LYRM4: variants seen among roughly 807,000 people sequenced by gnomAD.
LYRM4 encodes LYR motif-containing protein 4.
LYRM4 carries 9 observed loss-of-function variants against 11.7 expected under a neutral mutation model. The ratio of observed to expected loss-of-function variants is 0.77; its 90% CI spans 0.46 to 1.34. The LOEUF (loss-of-function observed/expected upper bound fraction) is 1.34, where lower values mean the gene tolerates loss of function less well. Among genes scored for constraint, LYRM4 ranks in the 40% most tolerant of loss-of-function variants. The pLI, the probability that LYRM4 is intolerant of heterozygous loss-of-function variation, is 0.00. For synonymous variants in LYRM4, 42 were observed against 40.4 expected (o/e 1.04, Z -0.15); for missense variants, 133 against 112.5 (o/e 1.18, Z -0.82).
intron 1 of LYRM4, among the ~76,000 whole-genome samples, chr6:5,239,095 G>A (rs1484056676): frequency 6.6e-6 from 1 of 152,210 alleles, no homozygotes; most frequent in African/African-American, 2.4e-5. Context: ...AAGAACAGGA[G>A]GTAGATAGAC....
chr6:5,083,225 C>T, the LYRM4 span, among the ~76,000 whole-genome samples: 1 of 152,236 alleles, frequency 6.6e-6, no homozygotes, highest in African/African-American at 2.4e-5. Flanking sequence ...AGGGTCGCCA[C>T]CACCTCAAAA....
rs552672991 is a variant in LYRM4 at position 5,160,657 on chromosome 6, C to G, written c.208-51166G>C. On this transcript the variant is annotated intron_variant, in intron 2 of 2. Transcript: ENST00000330636. ...CCTTCTGCCATGATTATGAGACCCC[C>G]CCCCCAGCAATGTGGAACTGTGAGT... 3.3e-5 allele frequency among the ~76,000 whole-genome samples: 5 copies of G among 152,070 alleles called. No individual in the cohort carries two copies. In the East Asian group the frequency reaches 7.7e-4, roughly 24 times the overall value.
At chr6:5,049,512 C>T in the LYRM4 span, among the ~76,000 whole-genome samples, 5 of 152,178 alleles carry the variant, frequency 3.3e-5, no homozygotes, top group African/African-American at 1.2e-4. Context: ...TAGGACCTGA[C>T]ATTTGGCAGT....
the LYRM4 span, among the ~76,000 whole-genome samples, chr6:5,049,291 G>C: frequency 6.6e-6 from 1 of 152,090 alleles, no homozygotes; most frequent in Non-Finnish European, 1.5e-5. Flanking sequence ...GAGGATGGGC[G>C]GATGGGCTCT....
intron 1 of LYRM4, among the ~76,000 whole-genome samples, chr6:5,243,417 C>G (rs1422925937): frequency 6.6e-6 from 1 of 152,188 alleles, no homozygotes; most frequent in Non-Finnish European, 1.5e-5. Flanking sequence ...TTTCTCCAGG[C>G]TGGCAAGTGA....
the LYRM4 span, among the ~76,000 whole-genome samples, chr6:5,072,645 C>G: frequency 0.024 from 3,624 of 149,460 alleles, 137 homozygotes; most frequent in African/African-American, 0.085. Flanking sequence ...ATGGCACGAT[C>G]TCGGCTCACT....
intron 1 of LYRM4, among the ~76,000 whole-genome samples, chr6:5,245,997 A>C (rs1327764667): frequency 6.6e-6 from 1 of 152,182 alleles, no homozygotes; most frequent in Non-Finnish European, 1.5e-5. Flanking sequence ...AAACAATAAG[A>C]AACAACTATA....
At chr6:5,118,513 A>G (rs771232512) in intron 2 of LYRM4, among the ~76,000 whole-genome samples, 6 of 152,126 alleles carry the variant, frequency 3.9e-5, no homozygotes, top group Non-Finnish European at 5.9e-5. Context: ...GGTAAGCATG[A>G]CATCTGTGGC....
At chr6:5,226,041 A>G (rs977446299) in intron 1 of LYRM4, among the ~76,000 whole-genome samples, 1 of 152,170 alleles carries the variant, frequency 6.6e-6, no homozygotes, top group African/African-American at 2.4e-5. Context: ...GGAGGTCTTT[A>G]AGAAGCTAGC....
chr6:5,174,601 G>C (rs1045331265), intron 2 of LYRM4, among the ~76,000 whole-genome samples: 1 of 152,156 alleles, frequency 6.6e-6, no homozygotes, highest in Non-Finnish European at 1.5e-5. Context: ...AAGGAGGGCA[G>C]GCAGAAAAAT....
At chr6:5,213,235 C>T (rs1762077407) in intron 2 of LYRM4, among the ~76,000 whole-genome samples, 1 of 152,202 alleles carries the variant, frequency 6.6e-6, no homozygotes, top group Non-Finnish European at 1.5e-5. Context: ...TCCACCTTTC[C>T]TGCATCTCGG....
At chr6:5,233,293 G>A (rs1243004451) in intron 1 of LYRM4, among the ~76,000 whole-genome samples, 1 of 152,208 alleles carries the variant, frequency 6.6e-6, no homozygotes, top group East Asian at 1.9e-4. Context: ...TTTGACATGC[G>A]AACCAGCATT....
chr6:5,170,994 G>A (rs181051043), intron 2 of LYRM4, among the ~76,000 whole-genome samples: 9 of 152,248 alleles, frequency 5.9e-5, no homozygotes, highest in Admixed American at 5.9e-4. Flanking sequence ...TTTTACTGAT[G>A]AAAGATGTTA....
At chr6:5,228,624 T>G (rs1181449648) in intron 1 of LYRM4, among the ~76,000 whole-genome samples, 1 of 152,148 alleles carries the variant, frequency 6.6e-6, no homozygotes, top group African/African-American at 2.4e-5. Flanking sequence ...ATAAAATCTT[T>G]GGAATATAGT....
intron 1 of LYRM4, among the ~76,000 whole-genome samples, chr6:5,241,782 T>C (rs745737289): frequency 1.1e-4 from 16 of 152,178 alleles, no homozygotes; most frequent in Non-Finnish European, 1.0e-4. Context: ...ATATGTTATA[T>C]ATCAATATCA....
chr6:5,165,139 CTT>C (rs1345290598), intron 2 of LYRM4, among the ~76,000 whole-genome samples: 4 of 152,090 alleles, frequency 2.6e-5, no homozygotes, highest in Non-Finnish European at 5.9e-5. Flanking sequence ...GAAACATTTT[CTT>C]TGTTACTAGT....
chr6:5,106,620 GAAC>G (rs1328912963), downstream of LYRM4: 2 of 152,524 alleles, frequency 1.3e-5, no homozygotes, highest in South Asian at 2.1e-4. Context: ...ACAGCCATCA[GAAC>G]AACACAGCCC....
At chr6:5,215,777 T>C (rs1762239555) in intron 2 of LYRM4, among the ~76,000 whole-genome samples, 1 of 152,142 alleles carries the variant, frequency 6.6e-6, no homozygotes, top group Non-Finnish European at 1.5e-5. Context: ...ACAAAAATGG[T>C]AAAGAGTTTC....
At chr6:5,165,032 A>C (rs1758996087) in intron 2 of LYRM4, among the ~76,000 whole-genome samples, 1 of 152,120 alleles carries the variant, frequency 6.6e-6, no homozygotes, top group South Asian at 2.1e-4. Flanking sequence ...TGTTCTACAG[A>C]AGCTTTCAAA....
Sources: allele counts gnomAD v4.1 joint callset (sites outside exome capture counted in the v4.1 genomes callset), GRCh38; gene constraint gnomAD v4.1.1; transcripts MANE v1.5; gene names NCBI Gene and HGNC (gene_info 2026-07-23, HGNC 2026-07-21).